Variants in CENPP observed in about 807,000 individuals in gnomAD.
The protein encoded by CENPP is centromere protein P.
Under a neutral mutation model 35.6 loss-of-function variants are expected in CENPP, and 24 were observed. The observed-to-expected ratio is 0.67, with a 90% confidence interval of 0.49 to 0.95. CENPP has a LOEUF of 0.95. Ranked by LOEUF, CENPP falls within the 40% of genes least tolerant of loss-of-function variation. The pLI is 0.00. For synonymous variants in CENPP, 120 were observed against 125.5 expected, an observed-to-expected ratio of 0.96 and a Z score of 0.29; for missense variants, 332 against 345.3, an observed-to-expected ratio of 0.96 and a Z score of 0.31.
intron 5 of CENPP, chr9:92,457,525 G>A: frequency 7.0e-7 from 1 of 1,432,162 alleles, no homozygotes. Flanking sequence ...AAAATACCCA[G>A]TAAATGTAAA....
chr9:92,603,692 G>A (rs1318164350), intron 5 of CENPP, among the ~76,000 whole-genome samples: 1 of 151,984 alleles, frequency 6.6e-6, no homozygotes, highest in African/African-American at 2.4e-5. Context: ...CTGCCCTGGA[G>A]GTCAGAAACT....
At chr9:92,373,467 C>G (rs759755692) in intron 4 of CENPP, among the ~76,000 whole-genome samples, 8 of 151,888 alleles carry the variant, frequency 5.3e-5, no homozygotes, top group Non-Finnish European at 8.8e-5. Flanking sequence ...CATTCATATC[C>G]TGAATTATTT....
intron 5 of CENPP, chr9:92,509,986 G>A: frequency 6.2e-7 from 1 of 1,610,172 alleles, no homozygotes; most frequent in South Asian, 1.1e-5. Context: ...GAAGGAATCT[G>A]TATCAAATTA....
At chr9:92,448,708 A>C (rs1324773943) in intron 5 of CENPP, among the ~76,000 whole-genome samples, 1 of 152,122 alleles carries the variant, frequency 6.6e-6, no homozygotes, top group Non-Finnish European at 1.5e-5. Flanking sequence ...CCATGCAAAA[A>C]AACCTGAAAA....
intron 5 of CENPP, among the ~76,000 whole-genome samples, chr9:92,458,232 C>A (rs923281384): frequency 6.6e-6 from 1 of 152,186 alleles, no homozygotes; most frequent in Non-Finnish European, 1.5e-5. Context: ...CCTTTAACAG[C>A]CCTTCTAATT....
chr9:92,332,358 A>C lies in CENPP; in HGVS notation c.289+7A>C. 1 of 1,548,890 alleles carries C rather than the reference A, an allele frequency of 6.5e-7. No homozygotes were observed. Among genetic ancestry groups the C allele is most frequent in the Non-Finnish European group, 8.7e-7 (1 of 1,148,768 alleles). On this transcript the variant is annotated splice_region_variant and intron_variant, in intron 2 of 7. Transcript: ENST00000375587. ...ACTGAGATGACAGAAAAGAGTAAGCATTTTTTTTAAATCTAGACATAGTAT... is the reference window on the plus strand; with the variant it reads ...ACTGAGATGACAGAAAAGAGTAAGCCTTTTTTTTAAATCTAGACATAGTAT...
chr9:92,616,301 G>A lies in CENPP; in HGVS notation c.*3152G>A. On this transcript the variant is annotated 3_prime_UTR_variant, in exon 8 of 8. Transcript: ENST00000375587. ...TGACAGCTGTCTGTGCCGGCTGTGT[G>A]CACCAGCGTGCAAAGCTTCCTCAGG... The A allele has an allele frequency of 2.2e-6, 1 of 446,494 alleles. No homozygotes were observed. Among genetic ancestry groups the A allele is most frequent in the Non-Finnish European group, 4.1e-6 (1 of 244,222 alleles). The allele number at this position is 446,494 out of a possible 1,614,324, so 27.7% of individuals were successfully genotyped here. A position where few individuals can be genotyped will look rare whatever the true frequency, so the allele number is the denominator to read the frequency against.
intron 5 of CENPP, among the ~76,000 whole-genome samples, chr9:92,581,384 A>T (rs143613762): frequency 1.3e-5 from 2 of 151,784 alleles, no homozygotes; most frequent in Non-Finnish European, 2.9e-5. Flanking sequence ...TAAGATCCAA[A>T]ATATATATAT....
At chr9:92,571,671 A>G (rs969857678) in intron 5 of CENPP, among the ~76,000 whole-genome samples, 5 of 152,072 alleles carry the variant, frequency 3.3e-5, no homozygotes, top group Non-Finnish European at 7.4e-5. Flanking sequence ...TCTAATGTTG[A>G]TAGTGGGGTG....
At chr9:92,512,094 A>G in intron 5 of CENPP, 1 of 1,613,882 alleles carries the variant, frequency 6.2e-7, no homozygotes, top group South Asian at 1.1e-5. Flanking sequence ...AATCCATTAA[A>G]TGCTTCATCT....
chr9:92,443,793 G>A (rs1200491982), intron 5 of CENPP, among the ~76,000 whole-genome samples: 2 of 151,930 alleles, frequency 1.3e-5, no homozygotes, highest in Non-Finnish European at 2.9e-5. Context: ...CCAAGTAGCT[G>A]GAATTACAGG....
chr9:92,395,478 T>C (rs1842857534), intron 5 of CENPP, among the ~76,000 whole-genome samples: 1 of 152,234 alleles, frequency 6.6e-6, no homozygotes, highest in South Asian at 2.1e-4. Flanking sequence ...GAAATTTATG[T>C]GTAAGTTTGT....
intron 5 of CENPP, among the ~76,000 whole-genome samples, chr9:92,407,981 A>G (rs1195187491): frequency 2.0e-5 from 3 of 152,176 alleles, no homozygotes; most frequent in Non-Finnish European, 2.9e-5. Flanking sequence ...GTTGAATGGA[A>G]TGGAATTTTG....
chr9:92,532,077 C>T (rs1292104482), intron 5 of CENPP, among the ~76,000 whole-genome samples: 2 of 126,756 alleles, frequency 1.6e-5, no homozygotes, highest in East Asian at 2.1e-4. Flanking sequence ...CCTGGGCTGG[C>T]CTTGAATCCC....
chr9:92,517,103 C>T (rs1347889024), intron 5 of CENPP: 1 of 153,730 alleles, frequency 6.5e-6, no homozygotes, highest in Admixed American at 6.5e-5. Context: ...GCCAACAAAA[C>T]CCGCGCTGTG....
At chr9:92,527,866 C>T (rs1848511697) in intron 5 of CENPP, 1 of 154,084 alleles carries the variant, frequency 6.5e-6, no homozygotes, top group African/African-American at 2.4e-5. Context: ...AGTATATCAC[C>T]TGAAGGCCAA....
intron 5 of CENPP, among the ~76,000 whole-genome samples, chr9:92,438,241 A>G (rs558148893): frequency 2.6e-5 from 4 of 152,250 alleles, no homozygotes; most frequent in East Asian, 1.9e-4. Flanking sequence ...ATTTAGGTCT[A>G]TGATCTGTTT....
intron 5 of CENPP, among the ~76,000 whole-genome samples, chr9:92,485,393 C>T (rs1846030982): frequency 6.6e-6 from 1 of 152,058 alleles, no homozygotes; most frequent in South Asian, 2.1e-4. Flanking sequence ...TTACATGTTG[C>T]AAACACAAAG....
intron 5 of CENPP, among the ~76,000 whole-genome samples, chr9:92,585,978 G>A (rs534830215): frequency 1.3e-5 from 2 of 152,322 alleles, no homozygotes; most frequent in East Asian, 3.9e-4. Flanking sequence ...TGCAGAGGCT[G>A]ACCTTTGTCC....
Sources: allele counts gnomAD v4.1 joint callset (sites outside exome capture counted in the v4.1 genomes callset), GRCh38; gene constraint gnomAD v4.1.1; transcripts MANE v1.5; gene names NCBI Gene and HGNC (gene_info 2026-07-23, HGNC 2026-07-21).